Variants in PRRC1 observed in about 807,000 individuals in gnomAD.
The protein encoded by PRRC1 is proline rich coiled-coil 1.
A neutral mutation model predicts 40.7 loss-of-function variants in PRRC1; 39 were observed. The ratio of observed to expected loss-of-function variants is 0.96; its 90% CI spans 0.74 to 1.25. The LOEUF is 1.25. PRRC1 is among the 50% of genes most tolerant of loss of function. The pLI, the probability that PRRC1 is intolerant of heterozygous loss-of-function variation, is 0.00. For synonymous variants in PRRC1, 175 were observed against 193.3 expected, an observed-to-expected ratio of 0.91 and a Z score of 0.79; for missense variants, 573 against 548.3, an observed-to-expected ratio of 1.05 and a Z score of -0.45.
intron 4 of PRRC1, among the ~76,000 whole-genome samples, chr5:127,529,813 T>C (rs1767717592): frequency 1.3e-5 from 2 of 152,136 alleles, no homozygotes; most frequent in African/African-American, 4.8e-5. Flanking sequence ...CAAAATGTTG[T>C]ACGTTAAGGT....
chr5:127,542,978 T>C (rs1768094014), intron 7 of PRRC1, among the ~76,000 whole-genome samples: 1 of 151,670 alleles, frequency 6.6e-6, no homozygotes, highest in Non-Finnish European at 1.5e-5. Flanking sequence ...TTTGATGGTC[T>C]TTACATTTTG....
rs1041881270 is a variant in PRRC1 at position 127,552,367 on chromosome 5, G to A, written c.*451G>A. 1.1e-5 allele frequency: 11 copies of A among 1,009,722 alleles called. No homozygotes were observed. Among genetic ancestry groups the A allele is most frequent in the South Asian group, 4.1e-5 (1 of 24,436 alleles). The allele number at this position is 1,009,722 out of a possible 1,614,324, so 62.5% of individuals were successfully genotyped here. On this transcript the variant is annotated 3_prime_UTR_variant, in exon 9 of 9. Coordinates refer to ENST00000296666, the MANE Select transcript of PRRC1 (RefSeq NM_130809.5). The stretch of plus-strand genomic sequence containing the variant: ...TTTGACTACTTTTGTATGTGCACAC[G>A]ATCTCAGGGCTGGTGCTGAGCAGCC...
intron 1 of PRRC1, among the ~76,000 whole-genome samples, chr5:127,518,413 A>C (rs1374371848): frequency 6.6e-6 from 1 of 152,258 alleles, no homozygotes; most frequent in Non-Finnish European, 1.5e-5. Context: ...TGCAGATAGC[A>C]CGTTTCCTAG....
rs898330980 is a variant in PRRC1, at chr5:127,552,751, A to G, written c.*835A>G. The G allele has an allele frequency of 3.0e-6, 3 of 984,094 alleles. No individual in the cohort carries two copies. The highest frequency in any genetic ancestry group is 1.7e-5 in the African/African-American group (1 of 57,180). 61.0% of individuals were successfully genotyped at this position (984,094 alleles called of 1,614,324 possible). A position where few individuals can be genotyped will look rare whatever the true frequency, so the allele number is the denominator to read the frequency against. On this transcript the variant is annotated 3_prime_UTR_variant, in exon 9 of 9. Coordinates refer to ENST00000296666, the MANE Select transcript of PRRC1 (RefSeq NM_130809.5). The stretch of plus-strand genomic sequence containing the variant: ...ACAGCCATTGTTTCTGCTTCCACTC[A>G]TATTCTCTACACATTTTAATACAGA...
chr5:127,527,379 A>G (rs1332331116), intron 4 of PRRC1, among the ~76,000 whole-genome samples: 3 of 152,146 alleles, frequency 2.0e-5, no homozygotes, highest in African/African-American at 7.2e-5. Flanking sequence ...ATATTTCAAG[A>G]ATATAATACA....
At chr5:127,541,328 A>C (rs897580832) in intron 7 of PRRC1, among the ~76,000 whole-genome samples, 2 of 152,148 alleles carry the variant, frequency 1.3e-5, no homozygotes, top group Non-Finnish European at 2.9e-5. Context: ...TATTGGTCTA[A>C]AATTCTCTTT....
intron 1 of PRRC1, 86 bp from the exon 2 acceptor site, chr5:127,523,374 T>G (rs930236764): frequency 7.0e-6 from 4 of 571,364 alleles, no homozygotes; most frequent in African/African-American, 1.9e-5. Flanking sequence ...TCTTGATGAT[T>G]TTTTTTTTAG....
intron 1 of PRRC1, among the ~76,000 whole-genome samples, chr5:127,522,459 C>T (rs1767483743): frequency 6.6e-6 from 1 of 152,084 alleles, no homozygotes; most frequent in Non-Finnish European, 1.5e-5. Flanking sequence ...GGCATTCTCA[C>T]TGCTCCCTGC....
At chr5:127,545,754 A>G (rs941187675) in intron 7 of PRRC1, among the ~76,000 whole-genome samples, 11 of 151,694 alleles carry the variant, frequency 7.3e-5, no homozygotes, top group Admixed American at 2.6e-4. Flanking sequence ...CATTGTGCAC[A>G]TGTACCCTAA....
intron 1 of PRRC1, among the ~76,000 whole-genome samples, chr5:127,522,100 G>A (rs552986867): frequency 6.6e-6 from 1 of 152,278 alleles, no homozygotes; most frequent in East Asian, 1.9e-4. Context: ...TGCTCGTCAA[G>A]CAGTTGACCT....
chr5:127,549,540 C>T (rs1383847891), intron 8 of PRRC1: 3 of 152,160 alleles, frequency 2.0e-5, no homozygotes, highest in African/African-American at 7.2e-5. Context: ...ACTAATAGCT[C>T]TTAGTATTAG....
intron 7 of PRRC1, among the ~76,000 whole-genome samples, chr5:127,541,561 T>C (rs1280212728): frequency 6.6e-6 from 1 of 152,156 alleles, no homozygotes; most frequent in Non-Finnish European, 1.5e-5. Flanking sequence ...ATCCTGTTAT[T>C]GGTCTATTCA....
chr5:127,543,778 A>AT (rs1207825622), intron 7 of PRRC1, among the ~76,000 whole-genome samples: 1 of 151,884 alleles, frequency 6.6e-6, no homozygotes, highest in African/African-American at 2.4e-5. Context: ...ATTCGTCTAA[A>AT]TTTTTTTCAA....
chr5:127,519,102 T>C (rs1239251881), intron 1 of PRRC1, among the ~76,000 whole-genome samples: 3 of 152,212 alleles, frequency 2.0e-5, no homozygotes, highest in African/African-American at 7.2e-5. Flanking sequence ...CATTTGTTAA[T>C]GTTAGGGATT....
In PRRC1 at chr5:127,530,387, C is replaced by G; in HGVS notation, c.748C>G (p.Pro250Ala). 3.1e-6 allele frequency: 5 copies of G among 1,613,046 alleles called. No homozygotes were observed. The highest frequency in any genetic ancestry group is 4.2e-6 in the Non-Finnish European group (5 of 1,179,256). ...MITTLDPGMAPYIKSGGELDI... is the reference protein window; with the variant it reads ...MITTLDPGMAAYIKSGGELDI... ...TACAACGCTGGACCCTGGCATGGCTCCCTATATCAGTATGTACATAAGTTA... is the reference window on the plus strand; with the variant it reads ...TACAACGCTGGACCCTGGCATGGCTGCCTATATCAGTATGTACATAAGTTA... Residue 250 changes from proline (P) to alanine (A), a missense_variant, in exon 5 of 9, where the codon CCC becomes GCC. Coordinates refer to ENST00000296666, the MANE Select transcript of PRRC1 (RefSeq NM_130809.5).
chr5:127,523,794 T>TTA, intron 2 of PRRC1: 1 of 400,364 alleles, frequency 2.5e-6, no homozygotes, highest in Non-Finnish European at 4.4e-6. Context: ...TAGGTGGACT[T>TTA]TTGTTCTTTA....
Position 127,554,108 on chromosome 5 carries a change from C to A in PRRC1, c.*2192C>A, listed in dbSNP as rs947815874. ...TGTAAAAGGGGCAAGAAAAGTAACT[C>A]ATCATCTCTAACACACCATGGCAGC... On this transcript the variant is annotated 3_prime_UTR_variant, in exon 9 of 9. Transcript: ENST00000296666. The A allele has an allele frequency of 2.0e-6, 1 of 495,446 alleles. No individual in the cohort carries two copies. Among genetic ancestry groups the A allele is most frequent in the Non-Finnish European group, 3.5e-6 (1 of 283,506 alleles). The allele number at this position is 495,446 out of a possible 1,614,324, so 30.7% of individuals were successfully genotyped here.
At position 127,551,764 on chromosome 5, in the gene PRRC1, G is replaced by A. The variant is rs762591599; in HGVS notation, c.1186G>A (p.Val396Met). ...NLRWSGLLVT[V>M]GEVLEKSLLN... ...GAGGTGGTCAGGCCTTTTGGTGACA[G>A]TGGGTGAAGTCCTGGAAAAGAGTTT... The change falls in exon 9 of 9, where the codon GTG (valine) becomes ATG (methionine). Residue 396 changes from valine to methionine, a missense_variant. Coordinates refer to ENST00000296666, the MANE Select transcript of PRRC1 (RefSeq NM_130809.5). 6 of 1,614,162 alleles carry A rather than the reference G, an allele frequency of 3.7e-6. No homozygotes were observed. Among genetic ancestry groups the A allele is most frequent in the Non-Finnish European group, 5.1e-6 (6 of 1,180,014 alleles).
chr5:127,542,507 C>CT (rs1344541226), intron 7 of PRRC1, among the ~76,000 whole-genome samples: 3 of 151,710 alleles, frequency 2.0e-5, no homozygotes, highest in Non-Finnish European at 2.9e-5. Context: ...GTGTGGGAGT[C>CT]TAAGTCTCTT....
Sources: allele counts gnomAD v4.1 joint callset (sites outside exome capture counted in the v4.1 genomes callset), GRCh38; gene constraint gnomAD v4.1.1; transcripts MANE v1.5; gene names NCBI Gene and HGNC (gene_info 2026-07-23, HGNC 2026-07-21).